The following ZEB1 variants were observed in gnomAD, a reference collection of about 807,000 sequenced individuals.
ZEB1 encodes the protein zinc finger E-box binding homeobox 1.
A neutral mutation model predicts 84.9 loss-of-function variants in ZEB1; 21 were observed. The ratio of observed to expected loss-of-function variants is 0.25; its 90% CI spans 0.18 to 0.36. The LOEUF is 0.36. Ranked by LOEUF, ZEB1 falls within the 10% of genes least tolerant of loss-of-function variation. ZEB1 has a pLI of 1.00. For synonymous variants in ZEB1, 420 were observed against 471.1 expected, an observed-to-expected ratio of 0.89 and a Z score of 1.41; for missense variants, 1,104 against 1,330.2, an observed-to-expected ratio of 0.83 and a Z score of 2.65.
intron 1 of ZEB1, among the ~76,000 whole-genome samples, chr10:31,425,947 G>C (rs1315994849): frequency 6.6e-6 from 1 of 152,188 alleles, no homozygotes; most frequent in East Asian, 1.9e-4. Context: ...AAAATGAAGT[G>C]TGATGATATA....
At chr10:31,482,473 GAA>G (rs34292873) in intron 2 of ZEB1, among the ~76,000 whole-genome samples, 4 of 132,802 alleles carry the variant, frequency 3.0e-5, no homozygotes, top group Non-Finnish European at 1.6e-5. Context: ...TCCTGGGCCA[GAA>G]AAAAAAAAAA....
Position 31,449,016 on chromosome 10 carries a change from C to T in ZEB1, c.59-12021C>T, listed in dbSNP as rs547252466. 4.3e-4 allele frequency among the ~76,000 whole-genome samples: 66 copies of T among 152,364 alleles called. 1 individual carries two copies. Among genetic ancestry groups the T allele is most frequent in the African/African-American group, 1.6e-3 (65 of 41,592 alleles). On this transcript the variant is annotated intron_variant, in intron 1 of 8. Transcript: ENST00000424869. ...GGCGGGCGCCCCTCCCCCAGCCTCG[C>T]TGCCGCCTTGCAGTTTGATCTCAGA... is the stretch of plus-strand genomic sequence containing the variant.
chr10:31,450,874 G>A (rs528708285), intron 1 of ZEB1, among the ~76,000 whole-genome samples: 67 of 114,872 alleles, frequency 5.8e-4, no homozygotes, highest in African/African-American at 3.1e-3. Flanking sequence ...AGGACTGAGC[G>A]TGTGTGTGTG....
intron 1 of ZEB1, among the ~76,000 whole-genome samples, chr10:31,329,158 A>G (rs374301484): frequency 3.9e-5 from 6 of 152,118 alleles, no homozygotes; most frequent in Non-Finnish European, 8.8e-5. Flanking sequence ...CCATCATCCT[A>G]AAGAGTTCTT....
chr10:31,331,755 C>A (rs942671370), intron 1 of ZEB1, among the ~76,000 whole-genome samples: 1 of 152,118 alleles, frequency 6.6e-6, no homozygotes, highest in Non-Finnish European at 1.5e-5. Context: ...TGTGCAAAGG[C>A]ATAACACACA....
chr10:31,334,037 T>G (rs1421866436), intron 1 of ZEB1, among the ~76,000 whole-genome samples: 1 of 152,004 alleles, frequency 6.6e-6, no homozygotes, highest in African/African-American at 2.4e-5. Flanking sequence ...CAAAATACAT[T>G]AAGCAGAAAC....
chr10:31,520,225 C>T lies in ZEB1; in HGVS notation c.893C>T (p.Pro298Leu). The change falls in exon 7 of 9, where the codon CCT (proline) becomes CTT (leucine). Residue 298 changes from proline to leucine, a missense_variant. Pro to Leu is a moderately conservative substitution (Grantham distance 98, BLOSUM62 -3). This residue lies in a region of ZEB1 where 111 missense variants were observed against 161.8 expected (regional missense o/e 0.69). Coordinates refer to ENST00000424869, the MANE Select transcript of ZEB1 (RefSeq NM_001174096.2). This position sits in a 1 kb window ranked among gnomAD's most constrained non-coding sequence, Gnocchi z 5.1. ...AGTAAGAAATGTATCAGCTTGATACCTGTGAATGGGCGACCAAGAACAGGA... is the reference window on the plus strand; with the variant it reads ...AGTAAGAAATGTATCAGCTTGATACTTGTGAATGGGCGACCAAGAACAGGA... ...ISSKKCISLIPVNGRPRTGLK... is the reference protein window; with the variant it reads ...ISSKKCISLILVNGRPRTGLK... 1.2e-6 allele frequency: 2 copies of T among 1,613,924 alleles called. No individual in the cohort carries two copies. Among genetic ancestry groups the T allele is most frequent in the East Asian group, 2.2e-5 (1 of 44,864 alleles).
At position 31,379,091 on chromosome 10, in the gene ZEB1, T is replaced by G. The variant is rs74348732; in HGVS notation, c.58+59799T>G. Among the ~76,000 whole-genome samples, 1,343 of 152,132 alleles carry G rather than the reference T, an allele frequency of 8.8e-3. 10 individuals are homozygous for G. Among genetic ancestry groups the G allele is most frequent in the Non-Finnish European group, 0.015 (1,016 of 67,960 alleles). ...GAGGCTGTAACAGTTTATACTCCTA[T>G]TATGTAGCTGAGACCAGTTGGTCTC... On this transcript the variant is annotated intron_variant, in intron 1 of 8. Coordinates refer to ENST00000424869, the MANE Select transcript of ZEB1 (RefSeq NM_001174096.2).
chr10:31,466,347 A>G (rs577693398), intron 2 of ZEB1, among the ~76,000 whole-genome samples: 44 of 152,336 alleles, frequency 2.9e-4, no homozygotes, highest in African/African-American at 9.6e-4. Context: ...ATTCTCCAGG[A>G]CAGATTATTT....
At chr10:31,401,348 G>A (rs1460355175) in intron 1 of ZEB1, among the ~76,000 whole-genome samples, 1 of 152,170 alleles carries the variant, frequency 6.6e-6, no homozygotes, top group African/African-American at 2.4e-5. Flanking sequence ...ATGTTTGCTT[G>A]TGGAAGTAGG....
chr10:31,393,517 T>G (rs778865905), intron 1 of ZEB1, among the ~76,000 whole-genome samples: 13 of 150,468 alleles, frequency 8.6e-5, no homozygotes, highest in Non-Finnish European at 1.5e-4. Flanking sequence ...TGTAAATAGT[T>G]TTTTTCAAAA....
chr10:31,510,909 C>T (rs1289340813), intron 5 of ZEB1, 34 bp downstream of exon 5: 1 of 1,597,440 alleles, frequency 6.3e-7, no homozygotes, highest in Non-Finnish European at 8.6e-7. Flanking sequence ...ACTAACTTTC[C>T]AGATTTTGAC....
intron 2 of ZEB1, among the ~76,000 whole-genome samples, chr10:31,469,320 A>G (rs1410681443): frequency 6.6e-6 from 1 of 152,128 alleles, no homozygotes; most frequent in Non-Finnish European, 1.5e-5. Flanking sequence ...CTCACTAGGG[A>G]GTGCCAGACA....
upstream of ZEB1, chr10:31,318,984 A>C: frequency 2.7e-5 from 14 of 527,534 alleles, no homozygotes; most frequent in Non-Finnish European, 3.5e-5. Context: ...CACCTGAGGA[A>C]AACTTTTCCC....
At chr10:31,396,842 T>A (rs2050819706) in intron 1 of ZEB1, among the ~76,000 whole-genome samples, 1 of 152,158 alleles carries the variant, frequency 6.6e-6, no homozygotes, top group Non-Finnish European at 1.5e-5. Flanking sequence ...TCACTCAGTA[T>A]CCATGGATAG....
At chr10:31,456,205 A>G (rs994714394) in intron 1 of ZEB1, among the ~76,000 whole-genome samples, 2 of 152,182 alleles carry the variant, frequency 1.3e-5, no homozygotes, top group South Asian at 2.1e-4. Context: ...GGAGTTGAAC[A>G]ATAAGAACAC....
intron 1 of ZEB1, among the ~76,000 whole-genome samples, chr10:31,449,371 T>C (rs1047136722): frequency 6.6e-6 from 1 of 152,232 alleles, no homozygotes; most frequent in Non-Finnish European, 1.5e-5. Context: ...ATCACCCGTC[T>C]TCTGCGTCGC....
intron 2 of ZEB1, among the ~76,000 whole-genome samples, chr10:31,492,370 A>G (rs2066654301): frequency 6.6e-6 from 1 of 151,902 alleles, no homozygotes. Context: ...GATTTTGCCC[A>G]ATTGTAGGAT....
intron 4 of ZEB1, among the ~76,000 whole-genome samples, chr10:31,504,383 TA>T (rs528261771): frequency 7.6e-4 from 115 of 152,258 alleles, no homozygotes; most frequent in African/African-American, 2.4e-3. Flanking sequence ...TGAAGTCAGG[TA>T]GTGCGATGTC....
Sources: gnomAD v4.1 joint callset for allele counts (sites outside exome capture counted in the v4.1 genomes callset) on GRCh38, gnomAD v4.1.1 for gene constraint, gnomAD v4.1.1 regional missense constraint, Gnocchi (gnomAD v3.1) non-coding constraint, MANE v1.5 for transcripts, NCBI Gene and HGNC (gene_info 2026-07-23, HGNC 2026-07-21) for gene names.